The following RWDD1 variants were observed in gnomAD, a reference collection of about 807,000 sequenced individuals.
The protein encoded by RWDD1 is RWD domain-containing protein 1.
A neutral mutation model predicts 31.6 loss-of-function variants in RWDD1; 17 were observed. That is an observed-to-expected ratio of 0.54 (90% CI 0.37 to 0.81). The LOEUF (loss-of-function observed/expected upper bound fraction) is 0.81, where lower values mean the gene tolerates loss of function less well. Ranked by LOEUF, RWDD1 falls within the 30% of genes least tolerant of loss-of-function variation. The pLI, the probability that RWDD1 is intolerant of heterozygous loss-of-function variation, is 0.00. For synonymous variants in RWDD1, 78 were observed against 94.2 expected, an observed-to-expected ratio of 0.83 and a Z score of 0.99; for missense variants, 204 against 274.5, an observed-to-expected ratio of 0.74 and a Z score of 1.82.
Position 116,595,802 on chromosome 6 carries a change from A to C in RWDD1, c.*2701A>C, listed in dbSNP as rs1258606461. ...CTACAACTTGGAATAATGTTCCTTG[A>C]TCCTGCTTTACTTCATGCACTTTTG... On this transcript the variant is annotated 3_prime_UTR_variant, in exon 7 of 7. Transcript: ENST00000466444. 2 of 152,202 alleles carry C rather than the reference A, an allele frequency of 1.3e-5. No homozygotes were observed. Among genetic ancestry groups the C allele is most frequent in the Admixed American group, 1.3e-4 (2 of 15,282 alleles). 9.4% of individuals were successfully genotyped at this position (152,202 alleles called of 1,614,324 possible). A position where few individuals can be genotyped will look rare whatever the true frequency, so the allele number is the denominator to read the frequency against.
rs1775257838 is a variant in RWDD1, at chr6:116,597,575, A to G, written c.*4474A>G. 6.6e-6 allele frequency: 1 copy of G among 152,190 alleles called. No individual in the cohort carries two copies. The highest frequency in any genetic ancestry group is 1.5e-5 in the Non-Finnish European group (1 of 68,034). The allele number at this position is 152,190 out of a possible 1,614,324, so 9.4% of individuals were successfully genotyped here. ...ATTTTTACATAATGAACAATGCATC[A>G]TGGGATTATTGGCTGCAAATAAATT... On this transcript the variant is annotated 3_prime_UTR_variant, in exon 7 of 7. Transcript: ENST00000466444.
At chr6:116,575,748 C>T (rs1033724) in intron 1 of RWDD1, among the ~76,000 whole-genome samples, 54,891 of 152,010 alleles carry the variant, frequency 0.36, 10,503 homozygotes, top group African/African-American at 0.49. Flanking sequence ...TCCTCAGGGA[C>T]ACATCTTCTA....
intron 1 of RWDD1, 125 bp from the exon 2 acceptor site, chr6:116,580,170 A>T: frequency 1.9e-6 from 1 of 515,822 alleles, no homozygotes; most frequent in Non-Finnish European, 3.4e-6. Context: ...TTCAGTCTGT[A>T]TTTGTGGAAA....
rs1775222031 is a variant in RWDD1, at chr6:116,595,275, G to A, written c.*2174G>A. On this transcript the variant is annotated 3_prime_UTR_variant, in exon 7 of 7. Coordinates refer to ENST00000466444, the MANE Select transcript of RWDD1 (RefSeq NM_015952.4). ...TATATATTTCTCCAGGTATTAAAGTGGATGTCCACCTTTGCCATTTCAGAA... is the reference window on the plus strand; with the variant it reads ...TATATATTTCTCCAGGTATTAAAGTAGATGTCCACCTTTGCCATTTCAGAA... 1 of 152,234 alleles carries A rather than the reference G, an allele frequency of 6.6e-6. No individual in the cohort carries two copies. The highest frequency in any genetic ancestry group is 1.5e-5 in the Non-Finnish European group (1 of 68,040). 9.4% of individuals were successfully genotyped at this position (152,234 alleles called of 1,614,324 possible). A position where few individuals can be genotyped will look rare whatever the true frequency, so the allele number is the denominator to read the frequency against.
chr6:116,590,257 T>A lies in RWDD1; in HGVS notation c.415-15T>A, dbSNP rs200655194. 37 of 1,461,656 alleles carry A rather than the reference T, an allele frequency of 2.5e-5. No homozygotes were observed. The highest frequency in any genetic ancestry group is 2.8e-6 in the Non-Finnish European group (3 of 1,081,516). 90.5% of individuals were successfully genotyped at this position (1,461,656 alleles called of 1,614,324 possible). ...GTTTCATTAATCTGGTGACTTTTTT[T>A]TTTTATTTCCTAAGCAATTATTCCA... On this transcript the variant is annotated splice_polypyrimidine_tract_variant and intron_variant, in intron 4 of 6. Coordinates refer to ENST00000466444, the MANE Select transcript of RWDD1 (RefSeq NM_015952.4).
rs1043209203 is a variant in RWDD1, at chr6:116,597,386, C to T, written c.*4285C>T. ...TATTTACTTATCATAAAAAATACTT[C>T]CTAGACCTTCCTCTTATAGCTATTG... On this transcript the variant is annotated 3_prime_UTR_variant, in exon 7 of 7. Transcript: ENST00000466444. The T allele has an allele frequency of 6.6e-6, 1 of 152,112 alleles. No individual in the cohort carries two copies. The highest frequency in any genetic ancestry group is 1.5e-5 in the Non-Finnish European group (1 of 68,012). 9.4% of individuals were successfully genotyped at this position (152,112 alleles called of 1,614,324 possible). A position where few individuals can be genotyped will look rare whatever the true frequency, so the allele number is the denominator to read the frequency against.
intron 4 of RWDD1, among the ~76,000 whole-genome samples, chr6:116,589,576 A>G (rs1441408389): frequency 1.3e-5 from 2 of 152,188 alleles, no homozygotes; most frequent in Non-Finnish European, 1.5e-5. Context: ...ATGATTTAGT[A>G]TTAGAAATTG....
At chr6:116,589,142 C>T (rs1775094557) in intron 4 of RWDD1, among the ~76,000 whole-genome samples, 157 bp downstream of exon 4, 1 of 151,278 alleles carries the variant, frequency 6.6e-6, no homozygotes, top group African/African-American at 2.4e-5. Context: ...TGTAGAAGTC[C>T]CTCATTTGGT....
rs1191536199 is a variant in RWDD1, at chr6:116,596,755, CTT to C, written c.*3656_*3657del. ...AAATACGCCTACATATTGAGCCACT[CTT>C]TATCATTAAGGTGAAAAGTTCATTC... On this transcript the variant is annotated 3_prime_UTR_variant, in exon 7 of 7. Transcript: ENST00000466444. 1.3e-5 allele frequency: 2 copies of C among 152,042 alleles called. No homozygotes were observed. The highest frequency in any genetic ancestry group is 2.9e-5 in the Non-Finnish European group (2 of 68,016). The allele number at this position is 152,042 out of a possible 1,614,324, so 9.4% of individuals were successfully genotyped here. A position where few individuals can be genotyped will look rare whatever the true frequency, so the allele number is the denominator to read the frequency against.
intron 1 of RWDD1, among the ~76,000 whole-genome samples, chr6:116,576,051 T>C (rs887067598): frequency 3.3e-5 from 5 of 152,252 alleles, no homozygotes; most frequent in Non-Finnish European, 5.9e-5. Flanking sequence ...AGAGTGGATA[T>C]TGGGAGACTT....
intron 2 of RWDD1, among the ~76,000 whole-genome samples, chr6:116,582,040 A>G (rs1328827327): frequency 6.6e-6 from 1 of 151,942 alleles, no homozygotes; most frequent in Non-Finnish European, 1.5e-5. Context: ...TTTAAGCAAA[A>G]TTTTATCCAT....
chr6:116,581,000 T>C (rs924929002), intron 2 of RWDD1, among the ~76,000 whole-genome samples: 9 of 152,108 alleles, frequency 5.9e-5, no homozygotes, highest in African/African-American at 2.2e-4. Flanking sequence ...TTTACCCCCT[T>C]TGAAGCTAGT....
rs568937815 is a variant in RWDD1, at chr6:116,587,027, A to G, written c.271-1815A>G. 5.9e-5 allele frequency among the ~76,000 whole-genome samples: 9 copies of G among 152,316 alleles called. No homozygotes were observed. The South Asian group carries it at 1.2e-3, about 21-fold the overall frequency. On this transcript the variant is annotated intron_variant, in intron 3 of 6. Coordinates refer to ENST00000466444, the MANE Select transcript of RWDD1 (RefSeq NM_015952.4). Reference sequence around the variant, plus strand: ...ATGACTTCCGAGTTATCCAGTTTCCATGTGAATGATTATTTTTTTGCTTTT... The same window carrying G: ...ATGACTTCCGAGTTATCCAGTTTCCGTGTGAATGATTATTTTTTTGCTTTT...
intron 4 of RWDD1, 134 bp downstream of exon 4, chr6:116,589,119 G>C: frequency 2.7e-6 from 2 of 752,088 alleles, no homozygotes; most frequent in East Asian, 5.0e-5. Flanking sequence ...TTTTAGTAAA[G>C]TTTCACTAAA....
At chr6:116,583,077 A>G (rs780599918) in intron 2 of RWDD1, among the ~76,000 whole-genome samples, 2 of 151,876 alleles carry the variant, frequency 1.3e-5, no homozygotes, top group Non-Finnish European at 2.9e-5. Flanking sequence ...TCCTGGGCTC[A>G]AGCAGTTCTC....
chr6:116,579,771 TGAAA>T (rs1379031272), intron 1 of RWDD1, among the ~76,000 whole-genome samples: 1 of 152,222 alleles, frequency 6.6e-6, no homozygotes, highest in African/African-American at 2.4e-5. Flanking sequence ...TAAGCATATG[TGAAA>T]GAAAGTTTGG....
At chr6:116,591,024 G>T in intron 6 of RWDD1, 74 bp downstream of exon 6, 1 of 1,481,896 alleles carries the variant, frequency 6.7e-7, no homozygotes, top group South Asian at 1.5e-5. Flanking sequence ...ATTTTGGAAA[G>T]CCAAGGCAGG....
chr6:116,584,910 T>A (rs1775012359), intron 3 of RWDD1, 53 bp downstream of exon 3: 2 of 1,370,344 alleles, frequency 1.5e-6, no homozygotes, highest in South Asian at 1.2e-5. Context: ...GCCTTAAATA[T>A]TACATATTAA....
Position 116,596,736 on chromosome 6 carries a change from G to A in RWDD1, c.*3635G>A, listed in dbSNP as rs1347569741. 8 of 151,970 alleles carry A rather than the reference G, an allele frequency of 5.3e-5. No individual in the cohort carries two copies. The highest frequency in any genetic ancestry group is 8.8e-5 in the Non-Finnish European group (6 of 68,002). 9.4% of individuals were successfully genotyped at this position (151,970 alleles called of 1,614,324 possible). A position where few individuals can be genotyped will look rare whatever the true frequency, so the allele number is the denominator to read the frequency against. ...TCACTTTAAAAGAGCCATCAAATAC[G>A]CCTACATATTGAGCCACTCTTTATC... On this transcript the variant is annotated 3_prime_UTR_variant, in exon 7 of 7. Transcript: ENST00000466444.
Sources: allele counts gnomAD v4.1 joint callset (sites outside exome capture counted in the v4.1 genomes callset), GRCh38; gene constraint gnomAD v4.1.1; transcripts MANE v1.5; gene names NCBI Gene and HGNC (gene_info 2026-07-23, HGNC 2026-07-21).